Variants in ZSCAN22 observed in about 807,000 individuals in gnomAD.
ZSCAN22 encodes zinc finger and SCAN domain-containing protein 22.
Under a neutral mutation model 12.4 loss-of-function variants are expected in ZSCAN22, and 7 were observed. The observed-to-expected ratio is 0.57, with a 90% CI of 0.32 to 1.06. ZSCAN22 has a LOEUF of 1.06. Ranked by LOEUF, ZSCAN22 falls within the 50% of genes least tolerant of loss-of-function variation. ZSCAN22 has a pLI of 0.04. For missense variants in ZSCAN22, 576 were observed against 631.7 expected, an observed-to-expected ratio of 0.91 and a Z score of 0.94; for synonymous variants, 243 against 255.9, an observed-to-expected ratio of 0.95 and a Z score of 0.48.
Position 58,335,343 on chromosome 19 carries a change from G to C in ZSCAN22, c.403+138G>C. On this transcript the variant is annotated intron_variant, in intron 2 of 2. Transcript: ENST00000329665. The surrounding 1 kb of genome is among the most constrained non-coding windows in gnomAD (Gnocchi z 4.1). The stretch of plus-strand genomic sequence containing the variant: ...TACTTTACCGTAACTCTCACACACT[G>C]TTGTAGACAGGTGTGTTTTGGTTGC... 8.4e-7 allele frequency: 1 copy of C among 1,191,750 alleles called. No individual in the cohort carries two copies. Among genetic ancestry groups the C allele is most frequent in the Non-Finnish European group, 1.1e-6 (1 of 879,466 alleles). 73.8% of individuals were successfully genotyped at this position (1,191,750 alleles called of 1,614,324 possible). A position where few individuals can be genotyped will look rare whatever the true frequency, so the allele number is the denominator to read the frequency against.
In ZSCAN22 at chr19:58,334,962, C is replaced by G; in HGVS notation, c.160C>G (p.His54Asp). The change falls in exon 2 of 3, where the codon CAC becomes GAC. Residue 54 changes from histidine (H) to aspartate (D), a missense_variant. Transcript: ENST00000329665. ...TGAGGCTGCACGCCTGCGCTTCCGGCACTTCCGCTATGAGGAGGCATCTGG... is the reference window on the plus strand; with the variant it reads ...TGAGGCTGCACGCCTGCGCTTCCGGGACTTCCGCTATGAGGAGGCATCTGG... ...HSEAARLRFR[H>D]FRYEEASGPH... 1 of 1,614,116 alleles carries G rather than the reference C, an allele frequency of 6.2e-7. No individual in the cohort carries two copies. Among genetic ancestry groups the G allele is most frequent in the Non-Finnish European group, 8.5e-7 (1 of 1,180,038 alleles).
chr19:58,339,205 T>C lies in ZSCAN22; in HGVS notation c.1355T>C (p.Ile452Thr), dbSNP rs761384866. Reference protein sequence around the residue: ...PKAFAQSSSLIEHQRIHTGEK... With the variant: ...PKAFAQSSSLTEHQRIHTGEK... ...GCCTTTGCACAGAGCTCCTCCCTCA[T>C]TGAGCACCAGAGGATCCACACGGGA... The change falls in exon 3 of 3, where the codon ATT becomes ACT. Residue 452 changes from isoleucine (I) to threonine (T), a missense_variant. Physicochemically the swap from Ile to Thr is moderately conservative, Grantham distance 89. Coordinates refer to ENST00000329665, the MANE Select transcript of ZSCAN22 (RefSeq NM_181846.3). This position sits in a 1 kb window ranked among gnomAD's most constrained non-coding sequence, Gnocchi z 5.6. 3.1e-5 allele frequency: 50 copies of C among 1,613,272 alleles called. No individual in the cohort carries two copies. The highest frequency in any genetic ancestry group is 6.7e-5 in the African/African-American group (5 of 74,660).
chr19:58,342,112 G>GA lies in ZSCAN22; in HGVS notation c.*2792dup, dbSNP rs2051883037. On this transcript the variant is annotated 3_prime_UTR_variant, in exon 3 of 3. Coordinates refer to ENST00000329665, the MANE Select transcript of ZSCAN22 (RefSeq NM_181846.3). ...GTCTAAAAGGGGAGGAGATGAGGGA[G>GA]AAAAAAGGGAATCTACTCAGAGCCT... 1 of 152,078 alleles carries GA rather than the reference G, an allele frequency of 6.6e-6. No homozygotes were observed. The highest frequency in any genetic ancestry group is 2.1e-4 in the South Asian group (1 of 4,818). 9.4% of individuals were successfully genotyped at this position (152,078 alleles called of 1,614,324 possible).
rs150229839 is a variant in ZSCAN22, at chr19:58,338,294, G to A, written c.444G>A (p.Lys148=). ...CCGAGCCCACAGAGGCAAGCTGCAA[G>A]CAGAGTGACCTGGGAGAGTCAGAGC... is the stretch of plus-strand genomic sequence containing the variant. ...PGAEPTEASC[K]QSDLGESEPS... is the part of the protein sequence containing the mutation. The change falls in exon 3 of 3, where the codon AAG becomes AAA. Residue 148 remains lysine, a synonymous_variant. Coordinates refer to ENST00000329665, the MANE Select transcript of ZSCAN22 (RefSeq NM_181846.3). This position sits in a 1 kb window ranked among gnomAD's most constrained non-coding sequence, Gnocchi z 5.4. 3.2e-3 allele frequency: 5,155 copies of A among 1,608,242 alleles called. 12 individuals are homozygous for A. The highest frequency in any genetic ancestry group is 4.0e-3 in the South Asian group (361 of 91,000).
chr19:58,334,603 AGTGG>A, intron 1 of ZSCAN22, 145 bp from the exon 2 acceptor site: 1 of 606,028 alleles, frequency 1.7e-6, no homozygotes, highest in South Asian at 2.2e-5. Flanking sequence ...CTCAGCACCA[AGTGG>A]GTGCTGTCCT....
At position 58,338,111 on chromosome 19, in the gene ZSCAN22, A is replaced by G; in HGVS notation, c.404-143A>G. 2 of 716,044 alleles carry G rather than the reference A, an allele frequency of 2.8e-6. 1 individual carries two copies. The highest frequency in any genetic ancestry group is 4.5e-6 in the Non-Finnish European group (2 of 445,404). 44.4% of individuals were successfully genotyped at this position (716,044 alleles called of 1,614,324 possible). A position where few individuals can be genotyped will look rare whatever the true frequency, so the allele number is the denominator to read the frequency against. ...GCACCCTTTGTCATCCAAGACACCA[A>G]ATGAGAAACTTCCCCTTGGAACTGG... On this transcript the variant is annotated intron_variant, in intron 2 of 2. Transcript: ENST00000329665. The surrounding 1 kb of genome is among the most constrained non-coding windows in gnomAD (Gnocchi z 5.4).
Position 58,338,600 on chromosome 19 carries a change from G to A in ZSCAN22, c.750G>A (p.Leu250=), listed in dbSNP as rs1489484105. ...EKPPSEDKFD[L]VDAYGTEPPY... is the part of the protein sequence containing the mutation. ...CTCCTTCAGAAGACAAATTTGATCT[G>A]GTGGATGCTTATGGGACAGAGCCTC... The change falls in exon 3 of 3, where the codon CTG becomes CTA. Residue 250 remains leucine, a synonymous_variant. Transcript: ENST00000329665. This position sits in a 1 kb window ranked among gnomAD's most constrained non-coding sequence, Gnocchi z 5.4. 1 of 1,614,248 alleles carries A rather than the reference G, an allele frequency of 6.2e-7. No homozygotes were observed. The highest frequency in any genetic ancestry group is 8.5e-7 in the Non-Finnish European group (1 of 1,180,046).
chr19:58,338,172 C>G lies in ZSCAN22; in HGVS notation c.404-82C>G. The G allele has an allele frequency of 7.6e-7, 1 of 1,312,970 alleles. No homozygotes were observed. The highest frequency in any genetic ancestry group is 2.3e-5 in the East Asian group (1 of 42,790). The allele number at this position is 1,312,970 out of a possible 1,614,324, so 81.3% of individuals were successfully genotyped here. On this transcript the variant is annotated intron_variant, in intron 2 of 2. Coordinates refer to ENST00000329665, the MANE Select transcript of ZSCAN22 (RefSeq NM_181846.3). This position sits in a 1 kb window ranked among gnomAD's most constrained non-coding sequence, Gnocchi z 5.4. ...TAGGAACGGGCCACATCTCCCCTTA[C>G]AAAGTGTGACCGGGGCCCTCGGCAG...
At chr19:58,337,854 A>G (rs1177137628) in intron 2 of ZSCAN22, among the ~76,000 whole-genome samples, 3 of 152,086 alleles carry the variant, frequency 2.0e-5, no homozygotes, top group Non-Finnish European at 4.4e-5. Context: ...GTTGAGTGTG[A>G]GGGACAGAAC....
rs75639192 is a variant in ZSCAN22 at position 58,337,198 on chromosome 19, C to T, written c.404-1056C>T. On this transcript the variant is annotated intron_variant, in intron 2 of 2. Transcript: ENST00000329665. ...CAGCCATATTCTACCTGGGGTTCTA[C>T]TTGCAGAAATTTTCACCATCGTGGG... Among the ~76,000 whole-genome samples, 584 of 152,360 alleles carry T rather than the reference C, an allele frequency of 3.8e-3. 2 individuals carry two copies. Among genetic ancestry groups the T allele is most frequent in the African/African-American group, 0.013 (539 of 41,584 alleles).
intron 1 of ZSCAN22, among the ~76,000 whole-genome samples, chr19:58,334,243 C>T (rs569021031): frequency 2.7e-4 from 41 of 152,204 alleles, no homozygotes; most frequent in Middle Eastern, 3.2e-3. Context: ...AAATATTTTC[C>T]TCCTGAGTGT....
At chr19:58,330,393 T>C (rs766501103) in intron 1 of ZSCAN22, among the ~76,000 whole-genome samples, 2 of 152,240 alleles carry the variant, frequency 1.3e-5, no homozygotes, top group Non-Finnish European at 2.9e-5. Context: ...AGAATTAATA[T>C]TGAGGCAGAG....
At chr19:58,332,760 G>A (rs2051742936) in intron 1 of ZSCAN22, among the ~76,000 whole-genome samples, 2 of 152,120 alleles carry the variant, frequency 1.3e-5, no homozygotes, top group Non-Finnish European at 2.9e-5. Flanking sequence ...ATGCTGTTAT[G>A]CACATTTATG....
At position 58,329,124 on chromosome 19, in the gene ZSCAN22, C is replaced by T. The variant is rs58509147; in HGVS notation, c.-52+2010C>T. ...CGAGAGCAGCAGGGGCGACAAGGGG[C>T]TTAGAAAGGCCACAAGAGACCCAGG... On this transcript the variant is annotated intron_variant, in intron 1 of 2. Transcript: ENST00000329665. The surrounding 1 kb of genome is among the most constrained non-coding windows in gnomAD (Gnocchi z 4.1). Among the ~76,000 whole-genome samples the T allele has an allele frequency of 0.12, 18,528 of 152,086 alleles. 1,981 individuals are homozygous for T. Among genetic ancestry groups the T allele is most frequent in the African/African-American group, 0.28 (11,411 of 41,416 alleles).
In ZSCAN22 at chr19:58,335,343, GT is replaced by G; in HGVS notation, c.403+140del. ...TACTTTACCGTAACTCTCACACACT[GT>G]TGTAGACAGGTGTGTTTTGGTTGCA... On this transcript the variant is annotated intron_variant, in intron 2 of 2. Coordinates refer to ENST00000329665, the MANE Select transcript of ZSCAN22 (RefSeq NM_181846.3). This position sits in a 1 kb window ranked among gnomAD's most constrained non-coding sequence, Gnocchi z 4.1. 1 of 1,191,750 alleles carries G rather than the reference GT, an allele frequency of 8.4e-7. No individual in the cohort carries two copies. Among genetic ancestry groups the G allele is most frequent in the East Asian group, 2.6e-5 (1 of 38,562 alleles). 73.8% of individuals were successfully genotyped at this position (1,191,750 alleles called of 1,614,324 possible). A position where few individuals can be genotyped will look rare whatever the true frequency, so the allele number is the denominator to read the frequency against.
In ZSCAN22 at chr19:58,334,890, A is replaced by G. The variant is rs762477426; in HGVS notation, c.88A>G (p.Ser30Gly). 6.2e-7 allele frequency: 1 copy of G among 1,614,040 alleles called. No homozygotes were observed. Reference sequence around the variant, plus strand: ...GAAGGTGGAGGAGGAAGAGGAAGCCAGCCTCTCCCAGGGCGGAGAATCCAG... The same window carrying G: ...GAAGGTGGAGGAGGAAGAGGAAGCCGGCCTCTCCCAGGGCGGAGAATCCAG... ...QVKVEEEEEA[S>G]LSQGGESSHD... Residue 30 changes from serine to glycine, a missense_variant, in exon 2 of 3, where the codon AGC becomes GGC. Physicochemically the swap from Ser to Gly is moderately conservative, Grantham distance 56. Transcript: ENST00000329665.
Position 58,335,061 on chromosome 19 carries a change from C to CA in ZSCAN22, c.260dup (p.Ile88AspfsTer64). 5 of 1,614,070 alleles carry CA rather than the reference C, an allele frequency of 3.1e-6. No individual in the cohort carries two copies. Among genetic ancestry groups the CA allele is most frequent in the Non-Finnish European group, 4.2e-6 (5 of 1,180,034 alleles). On this transcript the variant is annotated frameshift_variant, in exon 2 of 3. Coordinates refer to ENST00000329665, the MANE Select transcript of ZSCAN22 (RefSeq NM_181846.3). LOFTEE classifies it high-confidence loss of function. This position sits in a 1 kb window ranked among gnomAD's most constrained non-coding sequence, Gnocchi z 4.1. ...GCAGCCCGAGGCGCACTCCAAGGAG[C>CA]AGATACTGGAGCTGCTGGTGCTGGA...
rs965829247 is a variant in ZSCAN22 at position 58,338,153 on chromosome 19, C to T, written c.404-101C>T. 1.7e-5 allele frequency: 19 copies of T among 1,092,102 alleles called. No individual in the cohort carries two copies. The East Asian group carries it at 2.9e-4, about 17-fold the overall frequency. The allele number at this position is 1,092,102 out of a possible 1,614,324, so 67.7% of individuals were successfully genotyped here. ...TGGAACTGGGGCCAGATGTTAGGAA[C>T]GGGCCACATCTCCCCTTACAAAGTG... On this transcript the variant is annotated intron_variant, in intron 2 of 2. Transcript: ENST00000329665. This position sits in a 1 kb window ranked among gnomAD's most constrained non-coding sequence, Gnocchi z 5.4.
chr19:58,330,449 G>A (rs145743868), intron 1 of ZSCAN22, among the ~76,000 whole-genome samples: 45 of 152,296 alleles, frequency 3.0e-4, no homozygotes, highest in African/African-American at 9.9e-4. Context: ...CAAATTGTTT[G>A]CCAAAGATAT....
Sources: allele counts gnomAD v4.1 joint callset (sites outside exome capture counted in the v4.1 genomes callset), GRCh38; gene constraint gnomAD v4.1.1; non-coding constraint Gnocchi (gnomAD v3.1); transcripts MANE v1.5; gene names NCBI Gene and HGNC (gene_info 2026-07-23, HGNC 2026-07-21).